TRHDE: variants seen among roughly 807,000 people sequenced by gnomAD.
TRHDE encodes the protein thyrotropin-releasing hormone-degrading ectoenzyme.
TRHDE carries 72 observed loss-of-function variants against 125.7 expected under a neutral mutation model. The observed-to-expected ratio is 0.57, with a 90% CI of 0.47 to 0.70. TRHDE has a LOEUF of 0.70. Among genes scored for constraint, TRHDE ranks in the 30% least tolerant of loss-of-function variants. TRHDE has a pLI of 0.00. For missense variants in TRHDE, 1,110 were observed against 1,327.1 expected (o/e 0.84, Z 2.54); for synonymous variants, 509 against 509.1 (o/e 1.00, Z 0.00).
intron 2 of TRHDE, among the ~76,000 whole-genome samples, chr12:72,118,886 G>A (rs891863920): frequency 1.3e-5 from 2 of 151,980 alleles, no homozygotes; most frequent in African/African-American, 2.4e-5. Flanking sequence ...GGTATCAGTT[G>A]TAATGTCTCA....
intron 2 of TRHDE, among the ~76,000 whole-genome samples, chr12:72,183,676 T>C (rs931078760): frequency 6.6e-6 from 1 of 152,192 alleles, no homozygotes; most frequent in African/African-American, 2.4e-5. Context: ...TGAGGGCTTC[T>C]TCATGCAGAG....
intron 2 of TRHDE, among the ~76,000 whole-genome samples, chr12:72,292,786 T>C (rs1323938203): frequency 6.6e-6 from 1 of 152,246 alleles, no homozygotes; most frequent in Non-Finnish European, 1.5e-5. Flanking sequence ...GCTTTTGATA[T>C]GACAGTGCCC....
chr12:72,270,350 A>C (rs1334858474), upstream of TRHDE, among the ~76,000 whole-genome samples: 1 of 152,240 alleles, frequency 6.6e-6, no homozygotes. Context: ...ATGGACATTT[A>C]GAATGCATGG....
chr12:72,245,243 A>T (rs4372496), intron 2 of TRHDE, among the ~76,000 whole-genome samples: 1,744 of 147,330 alleles, frequency 0.012, 68 homozygotes, highest in African/African-American at 0.041. Context: ...GTTTGTGTGT[A>T]TGTGTGTGTG....
intron 3 of TRHDE, among the ~76,000 whole-genome samples, chr12:72,387,939 C>T (rs1320963175): frequency 7.2e-5 from 11 of 152,094 alleles, no homozygotes; most frequent in Admixed American, 2.6e-4. Context: ...GTCTCAGGTA[C>T]GTCTTTATCA....
intron 1 of TRHDE, among the ~76,000 whole-genome samples, chr12:72,285,084 CT>C (rs1484168482): frequency 6.6e-6 from 1 of 151,756 alleles, no homozygotes; most frequent in East Asian, 1.9e-4. Flanking sequence ...TAAAACTAAG[CT>C]TTAAAAAATG....
At chr12:72,546,170 T>C (rs1869408617) in intron 7 of TRHDE, among the ~76,000 whole-genome samples, 1 of 151,738 alleles carries the variant, frequency 6.6e-6, no homozygotes, top group Non-Finnish European at 1.5e-5. Context: ...AATAAATCCA[T>C]GAAATTTACT....
chr12:72,439,677 A>G (rs978601600), intron 3 of TRHDE, among the ~76,000 whole-genome samples: 2 of 151,936 alleles, frequency 1.3e-5, no homozygotes, highest in Non-Finnish European at 2.9e-5. Context: ...ATATATGATC[A>G]TATCATCTGC....
At chr12:72,551,744 T>C (rs1474868015) in intron 7 of TRHDE, among the ~76,000 whole-genome samples, 1 of 152,032 alleles carries the variant, frequency 6.6e-6, no homozygotes, top group Non-Finnish European at 1.5e-5. Context: ...GGACACACGA[T>C]AGATAGGAAA....
intron 2 of TRHDE, among the ~76,000 whole-genome samples, chr12:72,250,344 G>T (rs1033961021): frequency 2.6e-5 from 4 of 152,176 alleles, no homozygotes; most frequent in African/African-American, 9.7e-5. Context: ...AAGGCTGGCA[G>T]TGTAGAATGT....
At chr12:72,320,998 A>G (rs1203889580) in intron 2 of TRHDE, among the ~76,000 whole-genome samples, 1 of 152,178 alleles carries the variant, frequency 6.6e-6, no homozygotes, top group Non-Finnish European at 1.5e-5. Flanking sequence ...ATTCGAAGTG[A>G]AGGATATTTC....
At chr12:72,110,626 G>A (rs1344526221) in intron 2 of TRHDE, among the ~76,000 whole-genome samples, 1 of 152,024 alleles carries the variant, frequency 6.6e-6, no homozygotes, top group Non-Finnish European at 1.5e-5. Context: ...GAATATCTTA[G>A]ATTAAATAAC....
intron 2 of TRHDE, among the ~76,000 whole-genome samples, chr12:72,193,923 C>T (rs923059086): frequency 7.2e-5 from 11 of 152,022 alleles, no homozygotes; most frequent in African/African-American, 2.7e-4. Context: ...TTGAAAAACA[C>T]AGGAACTATT....
chr12:72,241,954 G>T (rs1372626363), intron 2 of TRHDE, among the ~76,000 whole-genome samples: 1 of 152,082 alleles, frequency 6.6e-6, no homozygotes, highest in African/African-American at 2.4e-5. Flanking sequence ...CTTTACATAT[G>T]TCCACTGTGA....
At chr12:72,454,205 A>G (rs1875727136) in intron 3 of TRHDE, among the ~76,000 whole-genome samples, 1 of 152,132 alleles carries the variant, frequency 6.6e-6, no homozygotes, top group Admixed American at 6.6e-5. Context: ...TAAAAAAAAT[A>G]TGTAATCAAC....
intron 2 of TRHDE, among the ~76,000 whole-genome samples, chr12:72,202,833 C>A (rs1313397368): frequency 6.6e-6 from 1 of 152,054 alleles, no homozygotes; most frequent in Non-Finnish European, 1.5e-5. Context: ...ATCTTTTATT[C>A]TAATAAAATG....
chr12:72,455,923 TATACTC>T (rs1450042230), intron 3 of TRHDE, among the ~76,000 whole-genome samples: 2 of 152,014 alleles, frequency 1.3e-5, no homozygotes. Flanking sequence ...TTTAGAATCA[TATACTC>T]ATAGAATTCA....
intron 18 of TRHDE, among the ~76,000 whole-genome samples, chr12:72,661,977 A>G (rs1006695975): frequency 6.6e-6 from 1 of 152,194 alleles, no homozygotes; most frequent in Non-Finnish European, 1.5e-5. Context: ...CATCAGTATC[A>G]TGTAATCAAA....
intron 5 of TRHDE, among the ~76,000 whole-genome samples, chr12:72,489,385 G>A (rs1373721967): frequency 6.6e-6 from 1 of 151,838 alleles, no homozygotes; most frequent in Admixed American, 6.6e-5. Flanking sequence ...GCTCATGGAT[G>A]TGAAGAATTA....
Sources: gnomAD v4.1 joint callset for allele counts (sites outside exome capture counted in the v4.1 genomes callset) on GRCh38, gnomAD v4.1.1 for gene constraint, MANE v1.5 for transcripts, NCBI Gene and HGNC (gene_info 2026-07-23, HGNC 2026-07-21) for gene names.